Variants in TIAM2 observed in about 807,000 individuals in gnomAD.
TIAM2 encodes rho guanine nucleotide exchange factor TIAM2.
Under a neutral mutation model 152.9 loss-of-function variants are expected in TIAM2, and 80 were observed. The ratio of observed to expected loss-of-function variants is 0.52; its 90% confidence interval spans 0.44 to 0.63. TIAM2 has a LOEUF of 0.63. Ranked by LOEUF, TIAM2 falls within the 30% of genes least tolerant of loss-of-function variation. TIAM2 has a pLI of 0.00. For synonymous variants in TIAM2, 804 were observed against 838.0 expected, an observed-to-expected ratio of 0.96 and a Z score of 0.70; for missense variants, 1,965 against 2,120.1, an observed-to-expected ratio of 0.93 and a Z score of 1.44.
At chr6:155,019,380 G>T (rs1776417847) in intron 1 of TIAM2, among the ~76,000 whole-genome samples, 1 of 152,142 alleles carries the variant, frequency 6.6e-6, no homozygotes, top group African/African-American at 2.4e-5. Context: ...ATTAGTAGGT[G>T]ATTAGTAGAT....
chr6:155,234,833 A>G (rs1782663420), intron 15 of TIAM2, among the ~76,000 whole-genome samples: 1 of 152,220 alleles, frequency 6.6e-6, no homozygotes, highest in Non-Finnish European at 1.5e-5. Flanking sequence ...AGGTGGCTGC[A>G]TCCCTAGAAC....
intron 2 of TIAM2, among the ~76,000 whole-genome samples, chr6:155,108,373 G>A (rs897838830): frequency 3.9e-5 from 6 of 152,026 alleles, no homozygotes; most frequent in South Asian, 4.2e-4. Context: ...TAAAAAATGC[G>A]GCTCTGACAG....
At chr6:155,142,310 T>C in intron 5 of TIAM2, among the ~76,000 whole-genome samples, 1 of 152,224 alleles carries the variant, frequency 6.6e-6, no homozygotes, top group Non-Finnish European at 1.5e-5. Flanking sequence ...CTGGCTCTAA[T>C]GTGAAATGTC....
At position 155,254,510 on chromosome 6, in the gene TIAM2, G is replaced by A; in HGVS notation, c.4405G>A (p.Glu1469Lys). 2 of 1,614,182 alleles carry A rather than the reference G, an allele frequency of 1.2e-6. No individual in the cohort carries two copies. The highest frequency in any genetic ancestry group is 2.7e-5 in the African/African-American group (2 of 75,046). Reference protein sequence around the residue: ...RRHIKCELPLEKTCKDRLVPL... With the variant: ...RRHIKCELPLKKTCKDRLVPL... Reference sequence around the variant, plus strand: ...TCACATAAAGTGTGAATTACCACTGGAGAAAACGTGTAAGGATCGCCTGGT... The same window carrying A: ...TCACATAAAGTGTGAATTACCACTGAAGAAAACGTGTAAGGATCGCCTGGT... The change falls in exon 26 of 27, where the codon GAG becomes AAG. Residue 1469 changes from glutamate (E) to lysine (K), a missense_variant. Transcript: ENST00000682666.
At chr6:155,071,852 C>T (rs114242642) in intron 1 of TIAM2, among the ~76,000 whole-genome samples, 5,563 of 148,838 alleles carry the variant, frequency 0.037, 369 homozygotes, top group African/African-American at 0.13. Flanking sequence ...ACCGAGATCG[C>T]GTCACTGCAC....
intron 1 of TIAM2, among the ~76,000 whole-genome samples, chr6:155,038,204 C>G (rs1776957380): frequency 6.6e-6 from 1 of 152,170 alleles, no homozygotes. Flanking sequence ...CTGAGCTTTC[C>G]TAAGCCTTCT....
At chr6:155,200,073 G>A (rs529871998) in intron 14 of TIAM2, among the ~76,000 whole-genome samples, 2 of 152,224 alleles carry the variant, frequency 1.3e-5, no homozygotes, top group South Asian at 4.1e-4. Context: ...TCCTTTTAAA[G>A]ATTTATCTAT....
rs918370370 is a variant in TIAM2 at position 155,160,603 on chromosome 6, C to CA, written c.2029-3804dup. ...GCAACATAGTAAAACCCTGTCTCTA[C>CA]AAAAAAAATGCAAAAATTAGCCAAG... On this transcript the variant is annotated intron_variant, in intron 7 of 26. Transcript: ENST00000682666. 5.9e-5 allele frequency among the ~76,000 whole-genome samples: 9 copies of CA among 151,636 alleles called. No individual in the cohort carries two copies. The South Asian group carries it at 8.3e-4, about 14-fold the overall frequency.
At chr6:155,023,899 G>A (rs1776546354) in intron 1 of TIAM2, among the ~76,000 whole-genome samples, 1 of 152,172 alleles carries the variant, frequency 6.6e-6, no homozygotes, top group South Asian at 2.1e-4. Flanking sequence ...GGATTGGAGA[G>A]AGTATTTCCA....
chr6:155,100,320 T>C (rs1778526392), intron 2 of TIAM2, among the ~76,000 whole-genome samples: 1 of 152,156 alleles, frequency 6.6e-6, no homozygotes. Context: ...GGCACTGCAG[T>C]GTTGCCTTGT....
intron 1 of TIAM2, among the ~76,000 whole-genome samples, chr6:155,032,271 G>A (rs1300602125): frequency 6.6e-6 from 1 of 152,176 alleles, no homozygotes; most frequent in Non-Finnish European, 1.5e-5. Context: ...AGTTTGGAAA[G>A]CTTCCATTGT....
chr6:155,179,066 G>A lies in TIAM2; in HGVS notation c.2551G>A (p.Gly851Ser), dbSNP rs1780827320. The change falls in exon 11 of 27, where the codon GGC (glycine) becomes AGC (serine). Residue 851 changes from glycine (G) to serine (S), a missense_variant. Transcript: ENST00000682666. ...KMRQLEPSHY[G>S]LQLRKLVDDN... ...GAGGCAGTTGGAACCCAGCCATTAT[G>A]GCCTACAGCTTCGAAAATTAGTAGA... The A allele has an allele frequency of 1.2e-6, 2 of 1,613,860 alleles. No homozygotes were observed. The highest frequency in any genetic ancestry group is 1.3e-5 in the African/African-American group (1 of 74,896).
intron 2 of TIAM2, among the ~76,000 whole-genome samples, chr6:155,112,563 T>G (rs901082376): frequency 6.6e-6 from 1 of 152,154 alleles, no homozygotes; most frequent in Non-Finnish European, 1.5e-5. Context: ...TGTTTACTTA[T>G]GGAGAACCCA....
At chr6:155,118,810 G>A (rs1779079840) in intron 2 of TIAM2, among the ~76,000 whole-genome samples, 1 of 151,094 alleles carries the variant, frequency 6.6e-6, no homozygotes, top group South Asian at 2.1e-4. Context: ...TTCCTTATTG[G>A]GTTGTTCCTA....
intron 1 of TIAM2, among the ~76,000 whole-genome samples, chr6:155,040,449 T>C (rs1777005360): frequency 6.6e-6 from 1 of 152,116 alleles, no homozygotes; most frequent in Non-Finnish European, 1.5e-5. Flanking sequence ...ACAAGCTGAG[T>C]AGGCAAGAGT....
chr6:155,080,575 G>A (rs1259778723), intron 1 of TIAM2, among the ~76,000 whole-genome samples: 1 of 151,944 alleles, frequency 6.6e-6, no homozygotes, highest in Non-Finnish European at 1.5e-5. Context: ...GAGTAGCTAG[G>A]ATTACAGGTG....
chr6:155,010,434 T>C (rs1338607034), intron 1 of TIAM2, among the ~76,000 whole-genome samples: 2 of 152,176 alleles, frequency 1.3e-5, no homozygotes, highest in Non-Finnish European at 2.9e-5. Flanking sequence ...TGAATTGAAA[T>C]AATTTAACCC....
chr6:155,150,990 C>G (rs1275876479), intron 7 of TIAM2, among the ~76,000 whole-genome samples: 4 of 152,204 alleles, frequency 2.6e-5, no homozygotes, highest in Non-Finnish European at 5.9e-5. Context: ...ACGCTACACA[C>G]AACTCTTGTT....
chr6:155,070,343 C>T (rs1427176278), intron 1 of TIAM2, among the ~76,000 whole-genome samples: 3 of 147,914 alleles, frequency 2.0e-5, no homozygotes, highest in South Asian at 4.3e-4. Flanking sequence ...GCCTCAGCCT[C>T]CTGAGTAGAT....
Sources: allele counts gnomAD v4.1 joint callset (sites outside exome capture counted in the v4.1 genomes callset), GRCh38; gene constraint gnomAD v4.1.1; transcripts MANE v1.5; gene names NCBI Gene and HGNC (gene_info 2026-07-23, HGNC 2026-07-21).